The following C1GALT1 variants were observed in gnomAD, a reference collection of about 807,000 sequenced individuals.
C1GALT1 encodes glycoprotein-N-acetylgalactosamine 3-beta-galactosyltransferase 1.
C1GALT1 carries 11 observed loss-of-function variants against 31.0 expected under a neutral mutation model. The ratio of observed to expected loss-of-function variants is 0.36; its 90% confidence interval spans 0.22 to 0.59. The LOEUF (loss-of-function observed/expected upper bound fraction) is 0.59. Ranked by LOEUF, C1GALT1 falls within the 20% of genes least tolerant of loss-of-function variation. The probability of loss-of-function intolerance (pLI) is 0.79; values close to 1 mark genes in which losing one functional copy is unlikely to be tolerated. For synonymous variants in C1GALT1, 175 were observed against 143.6 expected (o/e 1.22, Z -1.56); for missense variants, 424 against 425.2 (o/e 1.00, Z 0.03).
At chr7:7,162,576 A>C (rs1183400679) in intron 2 of C1GALT1, among the ~76,000 whole-genome samples, 1 of 151,934 alleles carries the variant, frequency 6.6e-6, no homozygotes, top group Non-Finnish European at 1.5e-5. Context: ...CAATAAACAT[A>C]CATGTGCATG....
chr7:7,195,140 GTTTT>G (rs72561134), intron 1 of C1GALT1, among the ~76,000 whole-genome samples: 6 of 151,916 alleles, frequency 3.9e-5, no homozygotes, highest in Admixed American at 6.6e-5. Flanking sequence ...TATCTTTTGT[GTTTT>G]TTGTTTGTTT....
intron 1 of C1GALT1, among the ~76,000 whole-genome samples, chr7:7,188,811 A>G (rs1388129914): frequency 5.3e-5 from 8 of 152,192 alleles, no homozygotes; most frequent in African/African-American, 1.9e-4. Flanking sequence ...ACATTGTGTT[A>G]TGGATAAAAT....
chr7:7,200,297 T>A (rs1299917728), intron 1 of C1GALT1, among the ~76,000 whole-genome samples: 4 of 152,238 alleles, frequency 2.6e-5, no homozygotes, highest in Non-Finnish European at 4.4e-5. Context: ...CCTTCACTTA[T>A]GAAGCTTAGT....
rs201415283 is a variant in C1GALT1 at position 7,238,560 on chromosome 7, C to T, written c.526C>T (p.Leu176=). ...AGCAGATGATGACACGTATGTCATA[C>T]TAGACAATTTGAGGTGGCTTCTTTC... ...LKADDDTYVI[L]DNLRWLLSKY... The change falls in exon 3 of 4, where the codon CTA becomes TTA. Residue 176 remains leucine (L), a synonymous_variant. Coordinates refer to ENST00000436587, the MANE Select transcript of C1GALT1 (RefSeq NM_020156.5). This position sits in a 1 kb window ranked among gnomAD's most constrained non-coding sequence, Gnocchi z 5.2. The T allele has an allele frequency of 6.2e-7, 1 of 1,613,940 alleles. No homozygotes were observed. The highest frequency in any genetic ancestry group is 1.3e-5 in the African/African-American group (1 of 74,908).
At chr7:7,233,593 G>C (rs1783191156) in intron 1 of C1GALT1, among the ~76,000 whole-genome samples, 1 of 152,170 alleles carries the variant, frequency 6.6e-6, no homozygotes, top group African/African-American at 2.4e-5. Flanking sequence ...TTCTATAAAG[G>C]GCTAGGTACG....
At chr7:7,177,662 G>C (rs1469390762), upstream of C1GALT1, among the ~76,000 whole-genome samples, 1 of 152,178 alleles carries the variant, frequency 6.6e-6, no homozygotes, top group African/African-American at 2.4e-5. Context: ...CAAACTGCTT[G>C]CTATGAATGA....
At chr7:7,213,002 C>T (rs1442040210) in intron 1 of C1GALT1, among the ~76,000 whole-genome samples, 5 of 152,140 alleles carry the variant, frequency 3.3e-5, no homozygotes, top group Non-Finnish European at 5.9e-5. Context: ...GAATAAGTTT[C>T]CTTGACTCTG....
At chr7:7,200,112 G>A (rs1396453152) in intron 1 of C1GALT1, among the ~76,000 whole-genome samples, 7 of 152,204 alleles carry the variant, frequency 4.6e-5, no homozygotes, top group Non-Finnish European at 1.0e-4. Context: ...TTGCTCGTTA[G>A]TTGATGCAGT....
upstream of C1GALT1, among the ~76,000 whole-genome samples, chr7:7,179,196 A>C (rs1259363761): frequency 6.6e-6 from 1 of 152,236 alleles, no homozygotes; most frequent in Non-Finnish European, 1.5e-5. Flanking sequence ...CTAGAGAAAG[A>C]ATAAAAAGTC....
intron 1 of C1GALT1, among the ~76,000 whole-genome samples, chr7:7,225,848 C>A (rs1460269357): frequency 6.6e-6 from 1 of 151,976 alleles, no homozygotes; most frequent in Non-Finnish European, 1.5e-5. Flanking sequence ...GATGACATAA[C>A]CTTTTAAGTA....
intron 2 of C1GALT1, among the ~76,000 whole-genome samples, chr7:7,170,815 T>C (rs57637360): frequency 0.024 from 3,675 of 152,030 alleles, 133 homozygotes; most frequent in African/African-American, 0.083. Flanking sequence ...TATGTTTTAA[T>C]ATGTGTGTTT....
chr7:7,193,031 G>GT (rs532535807), intron 1 of C1GALT1, among the ~76,000 whole-genome samples: 4 of 151,538 alleles, frequency 2.6e-5, no homozygotes, highest in Non-Finnish European at 5.9e-5. Context: ...GATTTGTTTG[G>GT]TTTTTTTGTA....
At chr7:7,207,702 G>A (rs920371482) in intron 1 of C1GALT1, among the ~76,000 whole-genome samples, 1 of 150,126 alleles carries the variant, frequency 6.7e-6, no homozygotes, top group Non-Finnish European at 1.5e-5. Context: ...TGACTTTTTT[G>A]TTGAAAACTG....
chr7:7,163,869 AT>A (rs1780364711), intron 2 of C1GALT1, among the ~76,000 whole-genome samples: 1 of 151,570 alleles, frequency 6.6e-6, no homozygotes, highest in African/African-American at 2.4e-5. Context: ...AAGAATCAAT[AT>A]CGTGAAAATG....
In C1GALT1 at chr7:7,248,136, T is replaced by C. The variant is rs776281158; in HGVS notation, c.*4409T>C. ...GTAGATTTTATGCTAAATGTTAATG[T>C]AACCTCTGTTGATTTTTTAAAAATG... On this transcript the variant is annotated 3_prime_UTR_variant, in exon 4 of 4. Coordinates refer to ENST00000436587, the MANE Select transcript of C1GALT1 (RefSeq NM_020156.5). 6.6e-6 allele frequency: 1 copy of C among 152,046 alleles called. No homozygotes were observed. The allele number at this position is 152,046 out of a possible 1,614,324, so 9.4% of individuals were successfully genotyped here. A position where few individuals can be genotyped will look rare whatever the true frequency, so the allele number is the denominator to read the frequency against.
chr7:7,203,264 G>T (rs1234341894), intron 1 of C1GALT1, among the ~76,000 whole-genome samples: 1 of 152,046 alleles, frequency 6.6e-6, no homozygotes, highest in Admixed American at 6.6e-5. Context: ...ATGAAATCAG[G>T]AATTCTTGCC....
intron 1 of C1GALT1, 107 bp from the exon 2 acceptor site, chr7:7,234,196 C>G (rs1562594046): frequency 2.6e-6 from 2 of 771,872 alleles, no homozygotes; most frequent in Non-Finnish European, 4.2e-6. Context: ...TAGCTAAATA[C>G]TGTTAGAAAT....
At chr7:7,222,909 TG>T (rs112691278) in intron 1 of C1GALT1, among the ~76,000 whole-genome samples, 1 of 109,290 alleles carries the variant, frequency 9.1e-6, no homozygotes, top group South Asian at 2.4e-4. Context: ...AGTTTTTTTT[TG>T]GTTTTATGCT....
chr7:7,171,735 CT>C (rs1178808692), intron 2 of C1GALT1, among the ~76,000 whole-genome samples: 1 of 151,692 alleles, frequency 6.6e-6, no homozygotes, highest in Non-Finnish European at 1.5e-5. Flanking sequence ...TTCTCATTTC[CT>C]TTTGTATATA....
Sources: allele counts gnomAD v4.1 joint callset (sites outside exome capture counted in the v4.1 genomes callset), GRCh38; gene constraint gnomAD v4.1.1; non-coding constraint Gnocchi (gnomAD v3.1); transcripts MANE v1.5; gene names NCBI Gene and HGNC (gene_info 2026-07-23, HGNC 2026-07-21).